Variants in ARK2C observed in about 807,000 individuals in gnomAD.
ARK2C encodes the protein arkadia (RNF111) C-terminal like ring finger ubiquitin ligase 2C, also known as E3 ubiquitin-protein ligase ARK2C.
At chr18:46,431,180 G>A in the ARK2C span, among the ~76,000 whole-genome samples, 29 of 152,276 alleles carry the variant, frequency 1.9e-4, no homozygotes, top group Non-Finnish European at 3.7e-4. Flanking sequence ...TGCTGAGAAT[G>A]ATGGTTTCCA....
At chr18:46,344,358 C>A in the ARK2C span, among the ~76,000 whole-genome samples, 2 of 145,760 alleles carry the variant, frequency 1.4e-5, no homozygotes, top group Non-Finnish European at 3.0e-5. Flanking sequence ...CTTCCCCCTT[C>A]TCCCCCCGCC....
the ARK2C span, among the ~76,000 whole-genome samples, chr18:46,394,096 T>C: frequency 6.6e-6 from 1 of 152,342 alleles, no homozygotes; most frequent in East Asian, 1.9e-4. Flanking sequence ...CACCAGACTC[T>C]AATTTCCTCC....
the ARK2C span, chr18:46,337,385 A>G: frequency 1.0e-6 from 1 of 985,370 alleles, no homozygotes; most frequent in Non-Finnish European, 1.2e-6. Context: ...TTCTTGTACT[A>G]AAACTAAAGC....
chr18:46,342,813 GA>G, the ARK2C span, among the ~76,000 whole-genome samples: 59 of 152,038 alleles, frequency 3.9e-4, no homozygotes, highest in Admixed American at 1.3e-3. Context: ...TAAATCAAAG[GA>G]AAAAAAACCT....
the ARK2C span, among the ~76,000 whole-genome samples, chr18:46,364,418 A>T: frequency 6.8e-6 from 1 of 147,450 alleles, no homozygotes; most frequent in African/African-American, 2.5e-5. Flanking sequence ...AAAAAAAAAA[A>T]GCTCTAAAGT....
the ARK2C span, chr18:46,450,505 G>T: frequency 1.1e-6 from 1 of 931,782 alleles, no homozygotes; most frequent in Non-Finnish European, 1.7e-6. Flanking sequence ...TGGGTGTCAG[G>T]AAGCTTCAGG....
At chr18:46,338,900 G>A in the ARK2C span, among the ~76,000 whole-genome samples, 2 of 152,118 alleles carry the variant, frequency 1.3e-5, no homozygotes, top group Admixed American at 6.5e-5. Flanking sequence ...CCTCGCTGGC[G>A]GGTGCACCCC....
At chr18:46,447,784 CTGGCTCCCCTGTATCCT>C in the ARK2C span, 3 of 1,452,500 alleles carry the variant, frequency 2.1e-6, no homozygotes, top group South Asian at 3.5e-5. Flanking sequence ...GCTACATGGC[CTGGCTCCCCTGTATCCT>C]TGGCTCCCCT....
the ARK2C span, among the ~76,000 whole-genome samples, chr18:46,360,082 A>T: frequency 6.6e-6 from 1 of 152,202 alleles, no homozygotes; most frequent in African/African-American, 2.4e-5. Flanking sequence ...GGAGCACTCT[A>T]GGTCCAGAAT....
At chr18:46,393,409 G>A in the ARK2C span, among the ~76,000 whole-genome samples, 2 of 152,178 alleles carry the variant, frequency 1.3e-5, no homozygotes, top group African/African-American at 2.4e-5. Flanking sequence ...GTGGGAGGCA[G>A]GCCTGAGGGC....
chr18:46,459,896 T>A, the ARK2C span: 1 of 152,590 alleles, frequency 6.6e-6, no homozygotes, highest in African/African-American at 2.4e-5. Flanking sequence ...CCTTCTGGGG[T>A]GAGAGCAGCC....
chr18:46,448,014 C>T, the ARK2C span, among the ~76,000 whole-genome samples: 8 of 151,128 alleles, frequency 5.3e-5, no homozygotes, highest in African/African-American at 1.7e-4. Flanking sequence ...TCCCCTGTGC[C>T]CCGGCTTCCA....
chr18:46,440,626 A>G, the ARK2C span, among the ~76,000 whole-genome samples: 1 of 152,212 alleles, frequency 6.6e-6, no homozygotes, highest in African/African-American at 2.4e-5. Context: ...TTACTTTGAT[A>G]CCACTATTAA....
chr18:46,387,810 C>G, the ARK2C span, among the ~76,000 whole-genome samples: 1 of 152,236 alleles, frequency 6.6e-6, no homozygotes, highest in Non-Finnish European at 1.5e-5. Flanking sequence ...AAAGCAGCCT[C>G]TTGAAGCAGA....
chr18:46,410,578 A>T, the ARK2C span, among the ~76,000 whole-genome samples: 1 of 152,242 alleles, frequency 6.6e-6, no homozygotes, highest in African/African-American at 2.4e-5. Context: ...TCCCAGGAAG[A>T]TGCTGGCAGG....
At chr18:46,361,163 T>C in the ARK2C span, among the ~76,000 whole-genome samples, 1 of 152,286 alleles carries the variant, frequency 6.6e-6, no homozygotes, top group South Asian at 2.1e-4. Flanking sequence ...CTGAGTCTTT[T>C]CTAGTAATAC....
At chr18:46,403,169 A>C in the ARK2C span, among the ~76,000 whole-genome samples, 1 of 152,236 alleles carries the variant, frequency 6.6e-6, no homozygotes, top group Non-Finnish European at 1.5e-5. Flanking sequence ...CTGTGCTTCC[A>C]GGCCATTGGA....
At chr18:46,334,231 G>A in the ARK2C span, 1 of 1,375,260 alleles carries the variant, frequency 7.3e-7, no homozygotes, top group Non-Finnish European at 9.5e-7. This position sits in a 1 kb window ranked among gnomAD's most constrained non-coding sequence, Gnocchi z 4.4. Flanking sequence ...GCCACAAAGG[G>A]CCCGCGCGCA....
chr18:46,355,740 C>T, the ARK2C span, among the ~76,000 whole-genome samples: 1 of 99,658 alleles, frequency 1.0e-5, no homozygotes, highest in African/African-American at 2.8e-5. Flanking sequence ...TCCCCTCTAT[C>T]TCTCCACCCA....
Sources: allele counts gnomAD v4.1 joint callset (sites outside exome capture counted in the v4.1 genomes callset), GRCh38; gene constraint gnomAD v4.1.1; non-coding constraint Gnocchi (gnomAD v3.1); transcripts MANE v1.5; gene names NCBI Gene and HGNC (gene_info 2026-07-23, HGNC 2026-07-21).